Variants in KCNH8 observed in about 807,000 individuals in gnomAD.
KCNH8 encodes potassium voltage-gated channel subfamily H member 8.
In KCNH8, 70 loss-of-function variants were observed where a neutral mutation model predicts 103.6. The ratio of observed to expected loss-of-function variants is 0.68; its 90% CI spans 0.56 to 0.82. The LOEUF is 0.82. Ranked by LOEUF, KCNH8 falls within the 40% of genes least tolerant of loss-of-function variation. KCNH8 has a pLI of 0.00. For synonymous variants in KCNH8, 498 were observed against 489.4 expected, an observed-to-expected ratio of 1.02 and a Z score of -0.23; for missense variants, 1,217 against 1,329.9, an observed-to-expected ratio of 0.92 and a Z score of 1.32.
intron 11 of KCNH8, among the ~76,000 whole-genome samples, chr3:19,477,724 T>C (rs550719105): frequency 8.7e-4 from 133 of 152,308 alleles, no homozygotes; most frequent in Non-Finnish European, 1.6e-3. Flanking sequence ...GGAAGGTTAA[T>C]CTTAAGATGT....
intron 11 of KCNH8, among the ~76,000 whole-genome samples, chr3:19,487,948 C>A (rs2068244162): frequency 6.6e-6 from 1 of 152,148 alleles, no homozygotes; most frequent in Admixed American, 6.6e-5. Flanking sequence ...CAATGGTTTT[C>A]TCGGGTAAGG....
chr3:19,490,070 A>G (rs2068286274), intron 11 of KCNH8, among the ~76,000 whole-genome samples: 1 of 152,180 alleles, frequency 6.6e-6, no homozygotes, highest in Non-Finnish European at 1.5e-5. Flanking sequence ...GAGGCGTTCC[A>G]CCAGGGCAAA....
chr3:19,520,045 T>G (rs1227665220), intron 15 of KCNH8, among the ~76,000 whole-genome samples: 1 of 151,538 alleles, frequency 6.6e-6, no homozygotes, highest in Non-Finnish European at 1.5e-5. Flanking sequence ...AAACAAAATA[T>G]CTTCCCAGTA....
chr3:19,267,819 T>C (rs1182372442), intron 2 of KCNH8, among the ~76,000 whole-genome samples: 3 of 152,152 alleles, frequency 2.0e-5, no homozygotes, highest in African/African-American at 7.2e-5. Context: ...CTGTCCCTTA[T>C]GAACTATGTG....
At chr3:19,157,456 A>G (rs2063191605) in intron 1 of KCNH8, among the ~76,000 whole-genome samples, 1 of 152,086 alleles carries the variant, frequency 6.6e-6, no homozygotes, top group Non-Finnish European at 1.5e-5. Context: ...CTCTCAACAA[A>G]TGTGTAATTT....
intron 8 of KCNH8, chr3:19,449,089 G>A (rs1173673875): frequency 1.9e-6 from 1 of 527,806 alleles, no homozygotes; most frequent in Non-Finnish European, 3.2e-6. Context: ...TTCCTGGAAA[G>A]TGAGGTCCAT....
intron 11 of KCNH8, among the ~76,000 whole-genome samples, chr3:19,502,035 C>G (rs1192498203): frequency 6.6e-6 from 1 of 151,074 alleles, no homozygotes; most frequent in Non-Finnish European, 1.5e-5. Flanking sequence ...ATTGTCTCAG[C>G]CCAAAATCTC....
Position 19,348,102 on chromosome 3 carries a change from C to G in KCNH8, c.811+137C>G. The G allele has an allele frequency of 3.1e-6, 3 of 978,584 alleles. No individual in the cohort carries two copies. In the South Asian group the frequency reaches 4.9e-5, roughly 16 times the overall value. The allele number at this position is 978,584 out of a possible 1,614,324, so 60.6% of individuals were successfully genotyped here. Reference sequence around the variant, plus strand: ...GCCTCTGTTGCAAATTTTGGAGAAGCACATACTGTATTTGGATTTCTGAAA... The same window carrying G: ...GCCTCTGTTGCAAATTTTGGAGAAGGACATACTGTATTTGGATTTCTGAAA... On this transcript the variant is annotated intron_variant, in intron 5 of 15. Transcript: ENST00000328405.
At chr3:19,482,684 G>A (rs2068112494) in intron 11 of KCNH8, among the ~76,000 whole-genome samples, 1 of 152,106 alleles carries the variant, frequency 6.6e-6, no homozygotes, top group Non-Finnish European at 1.5e-5. Flanking sequence ...TGCCACACTT[G>A]CACAGGCACA....
intron 1 of KCNH8, among the ~76,000 whole-genome samples, chr3:19,181,270 A>G (rs1015413036): frequency 2.0e-5 from 3 of 152,162 alleles, no homozygotes; most frequent in African/African-American, 7.2e-5. Context: ...TCTCAGATCT[A>G]TTCCTTGCCC....
intron 1 of KCNH8, among the ~76,000 whole-genome samples, chr3:19,216,002 A>T (rs1300153453): frequency 6.6e-6 from 1 of 152,232 alleles, no homozygotes; most frequent in Admixed American, 6.5e-5. Context: ...GAATTGAAAA[A>T]TTAATAGGAA....
At chr3:19,267,398 C>T (rs528527350) in intron 2 of KCNH8, among the ~76,000 whole-genome samples, 1 of 152,184 alleles carries the variant, frequency 6.6e-6, no homozygotes, top group African/African-American at 2.4e-5. Flanking sequence ...AAAGAGCTCT[C>T]TAAGAAGTAG....
chr3:19,490,155 G>A (rs1416476280), intron 11 of KCNH8, among the ~76,000 whole-genome samples: 4 of 152,348 alleles, frequency 2.6e-5, no homozygotes, highest in South Asian at 4.1e-4. Flanking sequence ...GCTCCACAGG[G>A]CAGGCCTAAG....
intron 7 of KCNH8, among the ~76,000 whole-genome samples, chr3:19,420,331 G>A (rs1025803222): frequency 2.6e-5 from 4 of 152,168 alleles, no homozygotes; most frequent in African/African-American, 4.8e-5. Context: ...TGACTGAACT[G>A]CTTGCAGTCT....
chr3:19,424,613 G>A (rs2066999710), intron 7 of KCNH8, among the ~76,000 whole-genome samples: 1 of 151,974 alleles, frequency 6.6e-6, no homozygotes, highest in Non-Finnish European at 1.5e-5. Flanking sequence ...AAATAGATTA[G>A]ACCTCATTAA....
intron 2 of KCNH8, among the ~76,000 whole-genome samples, chr3:19,262,444 G>C (rs1050946700): frequency 2.0e-5 from 3 of 151,846 alleles, no homozygotes; most frequent in African/African-American, 7.3e-5. Context: ...TTTCAGAATT[G>C]GAACTCAAAA....
In KCNH8 at chr3:19,347,938, A is replaced by T; in HGVS notation, c.784A>T (p.Ile262Phe). The T allele has an allele frequency of 6.2e-7, 1 of 1,613,104 alleles. No homozygotes were observed. Among genetic ancestry groups the T allele is most frequent in the Non-Finnish European group, 8.5e-7 (1 of 1,179,336 alleles). Reference sequence around the variant, plus strand: ...AACTCGGAGCACAACCGTCAGTGACATTGCAGTGGAGATTCTTTTTATTAT... The same window carrying T: ...AACTCGGAGCACAACCGTCAGTGACTTTGCAGTGGAGATTCTTTTTATTAT... ...STTRSTTVSD[I>F]AVEILFIIDI... The change falls in exon 5 of 16, where the codon ATT (isoleucine) becomes TTT (phenylalanine). Residue 262 changes from isoleucine (I) to phenylalanine (F), a missense_variant. Ile to Phe is a conservative substitution (Grantham distance 21). Around this residue, in one of 3 missense-constraint regions of KCNH8, gnomAD observed 415 missense variants for 577.4 expected, o/e 0.72. Coordinates refer to ENST00000328405, the MANE Select transcript of KCNH8 (RefSeq NM_144633.3).
chr3:19,490,407 C>T (rs1054831747), intron 11 of KCNH8, among the ~76,000 whole-genome samples: 13 of 152,110 alleles, frequency 8.5e-5, no homozygotes, highest in African/African-American at 3.1e-4. Context: ...GTGAGAGGGT[C>T]GGGATTGATT....
intron 7 of KCNH8, among the ~76,000 whole-genome samples, chr3:19,417,955 G>A (rs939653253): frequency 6.6e-6 from 1 of 152,048 alleles, no homozygotes; most frequent in African/African-American, 2.4e-5. Context: ...GAAAATCAAG[G>A]TGGACACAAA....
Sources: gnomAD v4.1 joint callset for allele counts (sites outside exome capture counted in the v4.1 genomes callset) on GRCh38, gnomAD v4.1.1 for gene constraint, gnomAD v4.1.1 regional missense constraint, MANE v1.5 for transcripts, NCBI Gene and HGNC (gene_info 2026-07-23, HGNC 2026-07-21) for gene names.